CALHM4: variants seen among roughly 807,000 people sequenced by gnomAD.
The protein encoded by CALHM4 is calcium homeostasis modulator family member 4, also known as calcium homeostasis modulator protein 4.
A neutral mutation model predicts 13.3 loss-of-function variants in CALHM4; 16 were observed. That is an observed-to-expected ratio of 1.20 (90% CI 0.81 to 1.82). The LOEUF (loss-of-function observed/expected upper bound fraction) is 1.82, where lower values mean the gene tolerates loss of function less well. CALHM4 is among the 40% of genes most tolerant of loss of function. The pLI is 0.00. For synonymous variants in CALHM4, 127 were observed against 137.1 expected (o/e 0.93, Z 0.52); for missense variants, 344 against 374.9 (o/e 0.92, Z 0.68).
At position 116,554,040 on chromosome 6, in the gene CALHM4, T is replaced by G; in HGVS notation, c.247T>G (p.Cys83Gly). 1.9e-6 allele frequency: 3 copies of G among 1,550,754 alleles called. No individual in the cohort carries two copies. Among genetic ancestry groups the G allele is most frequent in the Non-Finnish European group, 2.6e-6 (3 of 1,147,032 alleles). Reference protein sequence around the residue: ...QMWTITGEYCCSCAPPYRRIS... With the variant: ...QMWTITGEYCGSCAPPYRRIS... ...GTGGACAATTACCGGTGAATACTGC[T>G]GCAGCTGTGCCCCTCCATACAGGAG... Residue 83 changes from cysteine to glycine, a missense_variant, in exon 1 of 2, where the codon TGC becomes GGC. Cys to Gly is a radical substitution (Grantham distance 159). Coordinates refer to ENST00000368596, the MANE Select transcript of CALHM4 (RefSeq NM_001366078.2).
At chr6:116,550,017 T>TAC (rs1375759801), upstream of CALHM4, among the ~76,000 whole-genome samples, 15 of 69,390 alleles carry the variant, frequency 2.2e-4, no homozygotes, top group East Asian at 4.2e-3. Flanking sequence ...TATATATATA[T>TAC]ATATATATAC....
At position 116,560,906 on chromosome 6, in the gene CALHM4, G is replaced by A. The variant is rs17078060; in HGVS notation, c.*2695G>A. ...TTCTTAATTTCATTAGCTCCTCCAC[G>A]GTCCCATCATGACCTAAGTTGCCAC... is the stretch of plus-strand genomic sequence containing the variant. On this transcript the variant is annotated 3_prime_UTR_variant, in exon 2 of 2. Coordinates refer to ENST00000368596, the MANE Select transcript of CALHM4 (RefSeq NM_001366078.2). 0.026 allele frequency among the ~76,000 whole-genome samples: 3,950 copies of A among 152,080 alleles called. 158 individuals carry two copies. The highest frequency in any genetic ancestry group is 0.088 in the African/African-American group (3,638 of 41,414).
chr6:116,544,399 C>T (rs1773649330), intron 2 of CALHM4, among the ~76,000 whole-genome samples: 1 of 151,972 alleles, frequency 6.6e-6, no homozygotes, highest in African/African-American at 2.4e-5. Context: ...TGGTTCAGTA[C>T]CCATAAAGGC....
intron 1 of CALHM4, among the ~76,000 whole-genome samples, chr6:116,541,802 C>T (rs546549152): frequency 1.0e-3 from 156 of 151,942 alleles, no homozygotes; most frequent in African/African-American, 3.7e-3. Context: ...GAAGCCAAAA[C>T]GTTATGAGCT....
At position 116,558,440 on chromosome 6, in the gene CALHM4, G is replaced by A. The variant is rs974035947; in HGVS notation, c.*229G>A. 15 of 466,934 alleles carry A rather than the reference G, an allele frequency of 3.2e-5. No homozygotes were observed. The highest frequency in any genetic ancestry group is 2.7e-4 in the African/African-American group (14 of 50,964). The allele number at this position is 466,934 out of a possible 1,614,324, so 28.9% of individuals were successfully genotyped here. A position where few individuals can be genotyped will look rare whatever the true frequency, so the allele number is the denominator to read the frequency against. On this transcript the variant is annotated 3_prime_UTR_variant, in exon 2 of 2. Coordinates refer to ENST00000368596, the MANE Select transcript of CALHM4 (RefSeq NM_001366078.2). ...GGTAATGCCTAGAGTGGAATGTGAA[G>A]TCACATGGAAATTTGCATCTTAGTT...
chr6:116,552,937 G>A (rs1326787070), upstream of CALHM4, among the ~76,000 whole-genome samples: 4 of 152,234 alleles, frequency 2.6e-5, no homozygotes, highest in South Asian at 2.1e-4. Context: ...AGCCAGGCGT[G>A]GTGGCGGGCG....
rs1296570979 is a variant in CALHM4, at chr6:116,558,902, T to C, written c.*691T>C. On this transcript the variant is annotated 3_prime_UTR_variant, in exon 2 of 2. Coordinates refer to ENST00000368596, the MANE Select transcript of CALHM4 (RefSeq NM_001366078.2). Reference sequence around the variant, plus strand: ...TTATTTATCATTATTAGTATCATGTTATTTGTAGCACCTCCATACTAGGAG... The same window carrying C: ...TTATTTATCATTATTAGTATCATGTCATTTGTAGCACCTCCATACTAGGAG... 1.3e-5 allele frequency: 2 copies of C among 152,216 alleles called. No homozygotes were observed. The highest frequency in any genetic ancestry group is 4.8e-5 in the African/African-American group (2 of 41,450). 9.4% of individuals were successfully genotyped at this position (152,216 alleles called of 1,614,324 possible). A position where few individuals can be genotyped will look rare whatever the true frequency, so the allele number is the denominator to read the frequency against.
rs1288103668 is a variant in CALHM4 at position 116,560,516 on chromosome 6, G to T, written c.*2305G>T. ...TTCTGGCAAAGGATTCTAAGTATTC[G>T]TTGGCTCTTCTACATGGCTTCAGAA... On this transcript the variant is annotated 3_prime_UTR_variant, in exon 2 of 2. Coordinates refer to ENST00000368596, the MANE Select transcript of CALHM4 (RefSeq NM_001366078.2). Among the ~76,000 whole-genome samples the T allele has an allele frequency of 6.6e-6, 1 of 151,924 alleles. No homozygotes were observed. Among genetic ancestry groups the T allele is most frequent in the African/African-American group, 2.4e-5 (1 of 41,364 alleles).
intron 1 of CALHM4, chr6:116,529,293 T>C (rs943614599): frequency 6.6e-6 from 1 of 152,226 alleles, no homozygotes; most frequent in South Asian, 2.1e-4. Flanking sequence ...GTGGGAGGCA[T>C]GTACAATAAC....
At chr6:116,534,108 G>GT (rs34484876) in intron 1 of CALHM4, among the ~76,000 whole-genome samples, 101 of 150,070 alleles carry the variant, frequency 6.7e-4, no homozygotes, top group African/African-American at 8.8e-4. Context: ...TCTGTAGTGC[G>GT]TTTTTTTTTT....
rs1027051222 is a variant in CALHM4 at position 116,560,698 on chromosome 6, A to G, written c.*2487A>G. Among the ~76,000 whole-genome samples the G allele has an allele frequency of 2.0e-5, 3 of 149,766 alleles. No individual in the cohort carries two copies. Among genetic ancestry groups the G allele is most frequent in the African/African-American group, 7.5e-5 (3 of 40,236 alleles). Reference sequence around the variant, plus strand: ...TATAGCATTTTTTTGCTCCACAGCTAGTTAAATGAAACTTTTTCATTAAGA... The same window carrying G: ...TATAGCATTTTTTTGCTCCACAGCTGGTTAAATGAAACTTTTTCATTAAGA... On this transcript the variant is annotated 3_prime_UTR_variant, in exon 2 of 2. Coordinates refer to ENST00000368596, the MANE Select transcript of CALHM4 (RefSeq NM_001366078.2).
At chr6:116,531,969 A>G (rs1772756600) in intron 1 of CALHM4, among the ~76,000 whole-genome samples, 1 of 152,006 alleles carries the variant, frequency 6.6e-6, no homozygotes, top group Non-Finnish European at 1.5e-5. Context: ...GTTCGCTGTC[A>G]TTATTTAATA....
rs1774508970 is a variant in CALHM4, at chr6:116,559,878, TCTGAG to T, written c.*1670_*1674del. ...GAAGGAAAATGTCCCCAACTCTGAA[TCTGAG>T]CTTTCTCTGAAAACATTTACTGGCA... On this transcript the variant is annotated 3_prime_UTR_variant, in exon 2 of 2. Coordinates refer to ENST00000368596, the MANE Select transcript of CALHM4 (RefSeq NM_001366078.2). Among the ~76,000 whole-genome samples, 1 of 152,172 alleles carries T rather than the reference TCTGAG, an allele frequency of 6.6e-6. No homozygotes were observed. Among genetic ancestry groups the T allele is most frequent in the Non-Finnish European group, 1.5e-5 (1 of 68,022 alleles).
chr6:116,531,805 T>C (rs1583281799), intron 1 of CALHM4, among the ~76,000 whole-genome samples: 1 of 151,676 alleles, frequency 6.6e-6, no homozygotes, highest in Non-Finnish European at 1.5e-5. Context: ...TGAAACCTTC[T>C]ACACTCATAT....
chr6:116,548,915 T>C (rs1001497514), upstream of CALHM4, among the ~76,000 whole-genome samples: 9 of 152,232 alleles, frequency 5.9e-5, no homozygotes, highest in African/African-American at 9.6e-5. Flanking sequence ...TTCTCCTGAA[T>C]GTGTATTGCC....
chr6:116,538,041 T>C (rs1376490779), intron 1 of CALHM4, among the ~76,000 whole-genome samples: 1 of 152,216 alleles, frequency 6.6e-6, no homozygotes, highest in Non-Finnish European at 1.5e-5. Flanking sequence ...ATATGGGATA[T>C]TTGTTAGCAG....
At chr6:116,543,896 A>G (rs1259902150) in intron 2 of CALHM4, 2 of 1,498,156 alleles carry the variant, frequency 1.3e-6, no homozygotes, top group East Asian at 2.5e-5. Flanking sequence ...CTTTTTACTT[A>G]GAGAAAAAAG....
At chr6:116,529,794 T>C (rs774503474) in intron 1 of CALHM4, among the ~76,000 whole-genome samples, 20 of 152,164 alleles carry the variant, frequency 1.3e-4, no homozygotes, top group Admixed American at 5.2e-4. Context: ...AGGGCAGAGA[T>C]TGAATGAAAA....
At chr6:116,546,047 G>T (rs1414327961) in intron 2 of CALHM4, among the ~76,000 whole-genome samples, 1 of 152,160 alleles carries the variant, frequency 6.6e-6, no homozygotes, top group Non-Finnish European at 1.5e-5. Flanking sequence ...TACACCAATG[G>T]TTATCACACT....
Sources: allele counts gnomAD v4.1 joint callset (sites outside exome capture counted in the v4.1 genomes callset), GRCh38; gene constraint gnomAD v4.1.1; transcripts MANE v1.5; gene names NCBI Gene and HGNC (gene_info 2026-07-23, HGNC 2026-07-21).